LINGO2: variants seen among roughly 807,000 people sequenced by gnomAD.
LINGO2 encodes the protein leucine-rich repeat and immunoglobulin-like domain-containing nogo receptor-interacting protein 2.
LINGO2 carries 14 observed loss-of-function variants against 30.6 expected under a neutral mutation model. The observed-to-expected ratio is 0.46, with a 90% confidence interval of 0.30 to 0.72. The LOEUF is 0.72. Ranked by LOEUF, LINGO2 falls within the 30% of genes least tolerant of loss-of-function variation. The probability of loss-of-function intolerance (pLI) is 0.07; values close to 1 mark genes in which losing one functional copy is unlikely to be tolerated. For missense variants in LINGO2, 729 were observed against 751.7 expected (o/e 0.97, Z 0.35); for synonymous variants, 317 against 288.5 (o/e 1.10, Z -1.00).
At chr9:28,203,610 A>G (rs1316216754) in intron 4 of LINGO2, among the ~76,000 whole-genome samples, 1 of 152,214 alleles carries the variant, frequency 6.6e-6, no homozygotes, top group East Asian at 1.9e-4. Context: ...TGATAAACTC[A>G]TAGGAAGTAT....
At chr9:28,634,943 T>C (rs1827188104) in intron 1 of LINGO2, among the ~76,000 whole-genome samples, 1 of 152,178 alleles carries the variant, frequency 6.6e-6, no homozygotes, top group South Asian at 2.1e-4. Context: ...GAGATAATAA[T>C]TCTGAGATTC....
chr9:28,692,251 G>T, the LINGO2 span, among the ~76,000 whole-genome samples: 2 of 152,110 alleles, frequency 1.3e-5, no homozygotes, highest in South Asian at 4.2e-4. Context: ...GAGGTCGGCG[G>T]ATCACCTGAG....
At chr9:28,545,965 T>G (rs1324088273) in intron 1 of LINGO2, among the ~76,000 whole-genome samples, 1 of 152,116 alleles carries the variant, frequency 6.6e-6, no homozygotes, top group African/African-American at 2.4e-5. Flanking sequence ...TAGAAAATAC[T>G]CACTTTTATA....
Position 28,172,357 on chromosome 9 carries a change from C to G in LINGO2, c.-87+122851G>C, listed in dbSNP as rs551770049. On this transcript the variant is annotated intron_variant, in intron 4 of 5. Coordinates refer to ENST00000379992, the Ensembl canonical transcript of LINGO2. ...AGTGAGCCGAGATCCCGCCACTGCA[C>G]TCCAGCCTGGGCGACAGAGCGAGAC... 4.7e-5 allele frequency among the ~76,000 whole-genome samples: 7 copies of G among 150,328 alleles called. No individual in the cohort carries two copies. The East Asian group carries it at 1.2e-3, about 25-fold the overall frequency.
chr9:28,333,007 TTA>T (rs1190469409), intron 3 of LINGO2, among the ~76,000 whole-genome samples: 1 of 152,186 alleles, frequency 6.6e-6, no homozygotes, highest in Non-Finnish European at 1.5e-5. Context: ...AATGAAAGTG[TTA>T]TGATTCAGAG....
chr9:28,318,106 C>T (rs1033718649), intron 3 of LINGO2, among the ~76,000 whole-genome samples: 3 of 152,172 alleles, frequency 2.0e-5, no homozygotes, highest in Non-Finnish European at 2.9e-5. Context: ...TCAAGGTTCA[C>T]TGAGTTAATA....
At chr9:28,688,439 T>G in the LINGO2 span, among the ~76,000 whole-genome samples, 4 of 152,160 alleles carry the variant, frequency 2.6e-5, no homozygotes, top group Non-Finnish European at 5.9e-5. Flanking sequence ...AAACATAATC[T>G]ACTTGCCTCA....
At chr9:28,691,073 T>A in the LINGO2 span, among the ~76,000 whole-genome samples, 1 of 152,168 alleles carries the variant, frequency 6.6e-6, no homozygotes, top group Non-Finnish European at 1.5e-5. Context: ...ACACATGCAA[T>A]GTCAGCCCAG....
chr9:28,080,518 C>T (rs1369562782), intron 4 of LINGO2: 1 of 152,124 alleles, frequency 6.6e-6, no homozygotes, highest in Non-Finnish European at 1.5e-5. Context: ...TCAAATAATA[C>T]CTCCTTAAAA....
intron 2 of LINGO2, among the ~76,000 whole-genome samples, chr9:28,432,237 T>C (rs4879244): frequency 0.031 from 4,710 of 152,092 alleles, 249 homozygotes; most frequent in African/African-American, 0.11. Flanking sequence ...CAATGACTAT[T>C]GGGGGAGATA....
In LINGO2 at chr9:28,002,993, C is replaced by T. The variant is rs1019582299; in HGVS notation, c.-36+9362G>A. 4.6e-5 allele frequency among the ~76,000 whole-genome samples: 7 copies of T among 152,062 alleles called. No homozygotes were observed. The East Asian group carries it at 1.3e-3, about 29-fold the overall frequency. ...TTGAGTGTGAAGCTGCTGGAATGGGCTCTGGCCACCTGTGACCCCCAAATG... is the reference window on the plus strand; with the variant it reads ...TTGAGTGTGAAGCTGCTGGAATGGGTTCTGGCCACCTGTGACCCCCAAATG... On this transcript the variant is annotated intron_variant, in intron 5 of 5. Coordinates refer to ENST00000379992, the Ensembl canonical transcript of LINGO2.
intron 3 of LINGO2, among the ~76,000 whole-genome samples, chr9:28,337,781 G>A (rs12343515): frequency 0.071 from 10,828 of 152,166 alleles, 502 homozygotes; most frequent in African/African-American, 0.13. Flanking sequence ...GTGCACAGAG[G>A]TCAAGAATTG....
intron 4 of LINGO2, among the ~76,000 whole-genome samples, chr9:28,055,879 A>C (rs12553579): frequency 0.16 from 24,285 of 152,148 alleles, 2,516 homozygotes; most frequent in Non-Finnish European, 0.21. Context: ...GGCATTTGGC[A>C]AAAGTTAAAT....
intron 1 of LINGO2, among the ~76,000 whole-genome samples, chr9:28,605,055 C>T (rs893133956): frequency 6.6e-6 from 1 of 151,936 alleles, no homozygotes; most frequent in African/African-American, 2.4e-5. Context: ...AGCCACTAAA[C>T]TTGTACTCTA....
At chr9:28,778,086 A>G in the LINGO2 span, among the ~76,000 whole-genome samples, 4 of 152,156 alleles carry the variant, frequency 2.6e-5, no homozygotes, top group African/African-American at 9.7e-5. Flanking sequence ...TAATTGCTTC[A>G]GCAATTATCC....
chr9:28,049,178 C>A (rs1207468657), intron 4 of LINGO2, among the ~76,000 whole-genome samples: 2 of 150,954 alleles, frequency 1.3e-5, no homozygotes, highest in East Asian at 3.9e-4. Context: ...ACATCAAGAG[C>A]TCTGTGGCCC....
chr9:29,201,096 T>C, the LINGO2 span, among the ~76,000 whole-genome samples: 3 of 152,050 alleles, frequency 2.0e-5, no homozygotes, highest in African/African-American at 4.8e-5. Flanking sequence ...TACTTTTTCC[T>C]CCTCCTTTCT....
chr9:27,989,952 G>T (rs1166581903), intron 5 of LINGO2, among the ~76,000 whole-genome samples: 1 of 152,022 alleles, frequency 6.6e-6, no homozygotes, highest in Non-Finnish European at 1.5e-5. Flanking sequence ...AAAGAGAAGA[G>T]AAGAGAGGAG....
chr9:28,645,914 T>C (rs1005781519), intron 1 of LINGO2, among the ~76,000 whole-genome samples: 2 of 152,128 alleles, frequency 1.3e-5, no homozygotes, highest in South Asian at 2.1e-4. Flanking sequence ...TAAACAGACA[T>C]GAGTTGAATA....
Sources: gnomAD v4.1 joint callset for allele counts (sites outside exome capture counted in the v4.1 genomes callset) on GRCh38, gnomAD v4.1.1 for gene constraint, MANE v1.5 for transcripts, NCBI Gene and HGNC (gene_info 2026-07-23, HGNC 2026-07-21) for gene names.